PAXBP1: variants seen among roughly 807,000 people sequenced by gnomAD.
PAXBP1 encodes PAX3 and PAX7 binding protein 1, also known as PAX3- and PAX7-binding protein 1.
A neutral mutation model predicts 119.9 loss-of-function variants in PAXBP1; 44 were observed. The observed-to-expected ratio is 0.37, with a 90% CI of 0.29 to 0.47. The LOEUF (loss-of-function observed/expected upper bound fraction) is 0.47, where lower values mean the gene tolerates loss of function less well. Among genes scored for constraint, PAXBP1 ranks in the 20% least tolerant of loss-of-function variants. The pLI, the probability that PAXBP1 is intolerant of heterozygous loss-of-function variation, is 0.99. For missense variants in PAXBP1, 898 were observed against 1,134.1 expected, an observed-to-expected ratio of 0.79 and a Z score of 2.99; for synonymous variants, 393 against 406.6, an observed-to-expected ratio of 0.97 and a Z score of 0.40.
intron 3 of PAXBP1, among the ~76,000 whole-genome samples, chr21:32,763,092 CATA>C (rs1052139406): frequency 1.4e-4 from 22 of 152,102 alleles, no homozygotes; most frequent in South Asian, 8.3e-4. Flanking sequence ...TTTCTCATAT[CATA>C]ATAAGTTTTA....
intron 15 of PAXBP1, among the ~76,000 whole-genome samples, chr21:32,740,308 C>A (rs747700991): frequency 6.6e-6 from 1 of 152,220 alleles, no homozygotes; most frequent in African/African-American, 2.4e-5. Context: ...TAATGTATTT[C>A]TTACATATTG....
Position 32,771,736 on chromosome 21 carries a change from A to C in PAXBP1, c.-68T>G. 7.9e-7 allele frequency: 1 copy of C among 1,271,010 alleles called. No homozygotes were observed. The highest frequency in any genetic ancestry group is 1.0e-6 in the Non-Finnish European group (1 of 992,626). 78.7% of individuals were successfully genotyped at this position (1,271,010 alleles called of 1,614,324 possible). ...CGGCCCCGGCAGCGCCGAGCTCGTG[A>C]CGGCGCACGCGCGCTCTCCGGAGCT... On this transcript the variant is annotated 5_prime_UTR_variant, in exon 1 of 18. Transcript: ENST00000331923.
chr21:32,757,330 T>A (rs1382066019), intron 7 of PAXBP1, among the ~76,000 whole-genome samples: 1 of 106,638 alleles, frequency 9.4e-6, no homozygotes, highest in Non-Finnish European at 2.0e-5. Flanking sequence ...AGATCTAAGC[T>A]GAGCAGTACT....
rs923108122 is a variant in PAXBP1 at position 32,771,749 on chromosome 21, GCT to G, written c.-83_-82del. ...GCCGAGCTCGTGACGGCGCACGCGC[GCT>G]CTCCGGAGCTCCAGCCGGGTCGAGT... On this transcript the variant is annotated 5_prime_UTR_variant, in exon 1 of 18. Transcript: ENST00000331923. 6.7e-6 allele frequency: 8 copies of G among 1,195,688 alleles called. No homozygotes were observed. Among genetic ancestry groups the G allele is most frequent in the Admixed American group, 8.4e-5 (2 of 23,932 alleles). The allele number at this position is 1,195,688 out of a possible 1,614,324, so 74.1% of individuals were successfully genotyped here. A position where few individuals can be genotyped will look rare whatever the true frequency, so the allele number is the denominator to read the frequency against.
At chr21:32,745,773 C>T (rs1848308349) in intron 11 of PAXBP1, 55 bp from the exon 12 acceptor site, 1 of 1,595,970 alleles carries the variant, frequency 6.3e-7, no homozygotes, top group Non-Finnish European at 8.6e-7. Context: ...ATTTCTGCTT[C>T]CAGCTATGAT....
chr21:32,741,759 G>A (rs2043789563), intron 15 of PAXBP1: 3 of 476,520 alleles, frequency 6.3e-6, no homozygotes, highest in Non-Finnish European at 7.5e-6. Flanking sequence ...TGACCCGCCT[G>A]GGGCAACAGG....
chr21:32,768,918 C>A (rs1011886366), intron 2 of PAXBP1, among the ~76,000 whole-genome samples: 2 of 152,160 alleles, frequency 1.3e-5, no homozygotes, highest in African/African-American at 4.8e-5. Context: ...CCTTCCCTTT[C>A]GGAATTTTAA....
chr21:32,736,660 A>G (rs1011627581), intron 17 of PAXBP1, among the ~76,000 whole-genome samples: 3 of 152,218 alleles, frequency 2.0e-5, no homozygotes, highest in Admixed American at 1.3e-4. Flanking sequence ...TTATGAAGAT[A>G]TATGAAATTA....
Position 32,771,397 on chromosome 21 carries a change from G to T in PAXBP1, c.272C>A (p.Pro91Gln), listed in dbSNP as rs2146535718. 1 of 1,561,892 alleles carries T rather than the reference G, an allele frequency of 6.4e-7. No homozygotes were observed. The highest frequency in any genetic ancestry group is 2.6e-5 in the East Asian group (1 of 39,208). The change falls in exon 1 of 18, where the codon CCG becomes CAG. Residue 91 changes from proline to glutamine, a missense_variant. Coordinates refer to ENST00000331923, the MANE Select transcript of PAXBP1 (RefSeq NM_016631.4). ...TTTGTTCTCGCGAGGCCTCTTGCGC[G>T]GCTTCAGCCCGTTGCCGGGCTCCGC... ...GGAEPGNGLK[P>Q]RKRPRENKEV...
In PAXBP1 at chr21:32,771,390, C is replaced by G; in HGVS notation, c.279G>C (p.Lys93Asn). 6.3e-7 allele frequency: 1 copy of G among 1,576,698 alleles called. No homozygotes were observed. The highest frequency in any genetic ancestry group is 8.5e-7 in the Non-Finnish European group (1 of 1,169,814). Residue 93 changes from lysine (K) to asparagine (N), a missense_variant, in exon 1 of 18, where the codon AAG becomes AAC. By Grantham distance (94) the Lys-to-Asn change is moderately conservative. Transcript: ENST00000331923. ...GCACCTCTTTGTTCTCGCGAGGCCT[C>G]TTGCGCGGCTTCAGCCCGTTGCCGG... ...AEPGNGLKPRKRPRENKEVPR... is the reference protein window; with the variant it reads ...AEPGNGLKPRNRPRENKEVPR...
chr21:32,743,607 T>G, intron 14 of PAXBP1, 71 bp downstream of exon 14: 1 of 1,193,990 alleles, frequency 8.4e-7, no homozygotes, highest in South Asian at 1.3e-5. Context: ...AGCTAGTTTT[T>G]CAGAATTTTA....
At chr21:32,760,371 C>A (rs1342804805) in intron 5 of PAXBP1, among the ~76,000 whole-genome samples, 1 of 152,098 alleles carries the variant, frequency 6.6e-6, no homozygotes, top group African/African-American at 2.4e-5. Context: ...CTCTATTGTG[C>A]CATTTTCTTA....
At chr21:32,767,566 A>AC (rs1307869363) in intron 2 of PAXBP1, among the ~76,000 whole-genome samples, 1 of 152,154 alleles carries the variant, frequency 6.6e-6, no homozygotes, top group Non-Finnish European at 1.5e-5. Context: ...TGTGGAAGGG[A>AC]CCCAGGAGGA....
In PAXBP1 at chr21:32,737,403, G is replaced by A. The variant is rs144102538; in HGVS notation, c.2487C>T (p.Ile829=). 3.4e-3 allele frequency: 5,444 copies of A among 1,597,998 alleles called. 20 individuals carry two copies. The highest frequency in any genetic ancestry group is 5.4e-3 in the South Asian group (478 of 88,516). ...DDSIKKAQNV[I]NCFPKQWFMN... ...TGAACCATTGTTTGGGGAAACAATT[G>A]ATTACCTGTGGAGAAGAAAGACGTA... is the stretch of plus-strand genomic sequence containing the variant. The change falls in exon 17 of 18, where the codon ATC becomes ATT. Residue 829 remains isoleucine (I), a synonymous_variant. Coordinates refer to ENST00000331923, the MANE Select transcript of PAXBP1 (RefSeq NM_016631.4).
Position 32,760,982 on chromosome 21 carries a change from C to A in PAXBP1, c.975+77G>T. On this transcript the variant is annotated intron_variant, in intron 5 of 17. Coordinates refer to ENST00000331923, the MANE Select transcript of PAXBP1 (RefSeq NM_016631.4). Reference sequence around the variant, plus strand: ...TGAAATGAATGACAAAGATTCAATACGGAATTTTTTACTTTAACAAAATAA... The same window carrying A: ...TGAAATGAATGACAAAGATTCAATAAGGAATTTTTTACTTTAACAAAATAA... 5 of 1,124,818 alleles carry A rather than the reference C, an allele frequency of 4.4e-6. No individual in the cohort carries two copies. In the South Asian group the frequency reaches 7.0e-5, roughly 16 times the overall value. 69.7% of individuals were successfully genotyped at this position (1,124,818 alleles called of 1,614,324 possible).
chr21:32,765,608 T>C (rs190009646), intron 2 of PAXBP1, among the ~76,000 whole-genome samples: 7 of 152,296 alleles, frequency 4.6e-5, no homozygotes, highest in Non-Finnish European at 4.4e-5. Context: ...TCTCAAACCA[T>C]ACTGTACTCC....
intron 7 of PAXBP1, among the ~76,000 whole-genome samples, chr21:32,758,663 A>C (rs995518847): frequency 9.3e-5 from 14 of 151,246 alleles, no homozygotes; most frequent in African/African-American, 2.4e-4. Flanking sequence ...AAAAAAAAAA[A>C]AAACTAATAA....
At chr21:32,767,582 C>T (rs1004820522) in intron 2 of PAXBP1, among the ~76,000 whole-genome samples, 6 of 152,170 alleles carry the variant, frequency 3.9e-5, no homozygotes, top group Non-Finnish European at 5.9e-5. Flanking sequence ...GAGGAGGTAA[C>T]TAAATCATGG....
chr21:32,768,681 C>T (rs1194151479), intron 2 of PAXBP1, among the ~76,000 whole-genome samples: 1 of 152,164 alleles, frequency 6.6e-6, no homozygotes, highest in African/African-American at 2.4e-5. Flanking sequence ...ATGTTAATAC[C>T]AGGCTAAAGT....
Sources: allele counts gnomAD v4.1 joint callset (sites outside exome capture counted in the v4.1 genomes callset), GRCh38; gene constraint gnomAD v4.1.1; transcripts MANE v1.5; gene names NCBI Gene and HGNC (gene_info 2026-07-23, HGNC 2026-07-21).